SPIRE1: variants seen among roughly 807,000 people sequenced by gnomAD.
SPIRE1 encodes the protein protein spire homolog 1.
Under a neutral mutation model 94.1 loss-of-function variants are expected in SPIRE1, and 40 were observed. That is an observed-to-expected ratio of 0.43 (90% CI 0.33 to 0.55). SPIRE1 has a LOEUF of 0.55. SPIRE1 is among the 20% of genes least tolerant of loss of function. SPIRE1 has a pLI of 0.06. For synonymous variants in SPIRE1, 376 were observed against 371.7 expected, an observed-to-expected ratio of 1.01 and a Z score of -0.13; for missense variants, 838 against 975.2, an observed-to-expected ratio of 0.86 and a Z score of 1.87.
chr18:12,454,243 C>A, intron 13 of SPIRE1, 103 bp downstream of exon 13: 1 of 1,384,696 alleles, frequency 7.2e-7, no homozygotes, highest in South Asian at 1.3e-5. Flanking sequence ...CAAATCCCCT[C>A]AAAGTCTGTG....
chr18:12,583,609 A>G (rs1567949543), intron 2 of SPIRE1, among the ~76,000 whole-genome samples: 1 of 151,246 alleles, frequency 6.6e-6, no homozygotes. Context: ...TCCAAAAAAG[A>G]AGAAGAAGAA....
At chr18:12,500,871 G>A (rs1021599182) in intron 6 of SPIRE1, among the ~76,000 whole-genome samples, 5 of 151,966 alleles carry the variant, frequency 3.3e-5, no homozygotes, top group Non-Finnish European at 7.4e-5. Context: ...TCAGGAGTTC[G>A]AGACCAGCCT....
intron 2 of SPIRE1, among the ~76,000 whole-genome samples, chr18:12,549,522 G>T (rs2035283192): frequency 7.5e-6 from 1 of 132,506 alleles, no homozygotes; most frequent in African/African-American, 2.9e-5. Context: ...CGCGATCTCG[G>T]CTCACTGCAA....
At chr18:12,644,106 G>A (rs2038157931) in intron 1 of SPIRE1, among the ~76,000 whole-genome samples, 1 of 150,378 alleles carries the variant, frequency 6.6e-6, no homozygotes, top group African/African-American at 2.5e-5. Context: ...GGCTGAGGAG[G>A]GAGAATCGCT....
At chr18:12,637,758 T>C (rs897797256) in intron 1 of SPIRE1, among the ~76,000 whole-genome samples, 29 of 152,208 alleles carry the variant, frequency 1.9e-4, no homozygotes, top group Admixed American at 1.9e-3. Flanking sequence ...ATTTCAGGGC[T>C]GGGACAGGGA....
intron 11 of SPIRE1, 89 bp from the exon 12 acceptor site, chr18:12,463,582 G>T: frequency 1.9e-6 from 2 of 1,061,336 alleles, no homozygotes; most frequent in Non-Finnish European, 2.7e-6. Flanking sequence ...GTAATTCAAA[G>T]ATGAATTATT....
At chr18:12,598,476 A>C (rs2036741215) in intron 2 of SPIRE1, among the ~76,000 whole-genome samples, 1 of 152,048 alleles carries the variant, frequency 6.6e-6, no homozygotes, top group Non-Finnish European at 1.5e-5. Context: ...CCCTAGTAAC[A>C]GTGAAACTTC....
intron 1 of SPIRE1, among the ~76,000 whole-genome samples, chr18:12,639,350 G>A (rs896783907): frequency 6.6e-6 from 1 of 152,138 alleles, no homozygotes; most frequent in African/African-American, 2.4e-5. Context: ...AAACAGAAGT[G>A]GCCAACCTTT....
At chr18:12,461,702 A>C (rs1248430107) in intron 12 of SPIRE1, among the ~76,000 whole-genome samples, 4 of 151,900 alleles carry the variant, frequency 2.6e-5, no homozygotes, top group Non-Finnish European at 5.9e-5. Context: ...TTCTTAGTTC[A>C]CTGTGGCATC....
At chr18:12,515,225 A>G (rs1469347075) in intron 4 of SPIRE1, among the ~76,000 whole-genome samples, 1 of 151,648 alleles carries the variant, frequency 6.6e-6, no homozygotes, top group Admixed American at 6.6e-5. Context: ...TTTTTTTTTT[A>G]AATTCCAGAC....
chr18:12,465,099 T>C, intron 10 of SPIRE1, 141 bp from the exon 11 acceptor site: 1 of 680,762 alleles, frequency 1.5e-6, no homozygotes, highest in East Asian at 2.8e-5. Flanking sequence ...AAAGACAAAC[T>C]AGAAGGGGTT....
chr18:12,605,741 AT>A (rs1367117477), intron 2 of SPIRE1, among the ~76,000 whole-genome samples: 1 of 152,222 alleles, frequency 6.6e-6, no homozygotes, highest in Non-Finnish European at 1.5e-5. Flanking sequence ...AAGGAATTAA[AT>A]ACGTAATGGT....
chr18:12,588,807 T>G (rs375277775), intron 2 of SPIRE1, among the ~76,000 whole-genome samples: 42 of 152,340 alleles, frequency 2.8e-4, no homozygotes, highest in African/African-American at 9.6e-4. Context: ...GGTTCTTTTA[T>G]TAAGCCTTTA....
chr18:12,450,211 TAGCC>T (rs1163573481), intron 16 of SPIRE1, among the ~76,000 whole-genome samples: 22 of 135,084 alleles, frequency 1.6e-4, no homozygotes, highest in Non-Finnish European at 1.6e-5. Flanking sequence ...AAAAAAAAAA[TAGCC>T]AGGCATGGTG....
chr18:12,495,049 CAAA>C (rs773920267), intron 7 of SPIRE1, among the ~76,000 whole-genome samples: 4 of 81,034 alleles, frequency 4.9e-5, no homozygotes, highest in Admixed American at 1.3e-4. Context: ...GACTCTGTCT[CAAA>C]AAAAAAAAAA....
intron 2 of SPIRE1, among the ~76,000 whole-genome samples, chr18:12,550,279 G>A (rs550614836): frequency 5.1e-4 from 77 of 152,346 alleles, no homozygotes; most frequent in African/African-American, 1.7e-3. Flanking sequence ...CTATGAGGCT[G>A]CAGAAGGCCT....
At chr18:12,515,129 T>A (rs2034160472) in intron 4 of SPIRE1, among the ~76,000 whole-genome samples, 1 of 152,118 alleles carries the variant, frequency 6.6e-6, no homozygotes. Context: ...ATATACTGCT[T>A]ACCCAGGAGC....
At position 12,544,411 on chromosome 18, in the gene SPIRE1, G is replaced by A. The variant is rs562349002; in HGVS notation, c.603+2263C>T. On this transcript the variant is annotated intron_variant, in intron 3 of 16. Transcript: ENST00000409402. ...GTAGAAACAGGGTTTCCCCATGTTGGCCAGCTAGTCTTGAACTCTTGGCCT... is the reference window on the plus strand; with the variant it reads ...GTAGAAACAGGGTTTCCCCATGTTGACCAGCTAGTCTTGAACTCTTGGCCT... 2.0e-3 allele frequency among the ~76,000 whole-genome samples: 310 copies of A among 151,614 alleles called. 3 individuals carry two copies. Among genetic ancestry groups the A allele is most frequent in the Non-Finnish European group, 1.1e-3 (75 of 67,896 alleles).
chr18:12,591,924 G>A (rs9951147), intron 2 of SPIRE1, among the ~76,000 whole-genome samples: 53,784 of 137,606 alleles, frequency 0.39, 10,620 homozygotes, highest in East Asian at 0.6. Context: ...AGCCGAGATC[G>A]CACCACTGCA....
Sources: allele counts gnomAD v4.1 joint callset (sites outside exome capture counted in the v4.1 genomes callset), GRCh38; gene constraint gnomAD v4.1.1; transcripts MANE v1.5; gene names NCBI Gene and HGNC (gene_info 2026-07-23, HGNC 2026-07-21).